RGMB: variants seen among roughly 807,000 people sequenced by gnomAD.
The protein encoded by RGMB is repulsive guidance molecule B.
RGMB carries 16 observed loss-of-function variants against 26.9 expected under a neutral mutation model. That is an observed-to-expected ratio of 0.60 (90% CI 0.40 to 0.90). RGMB has a LOEUF of 0.90. Ranked by LOEUF, RGMB falls within the 40% of genes least tolerant of loss-of-function variation. The probability of loss-of-function intolerance (pLI) is 0.00; values close to 1 mark genes in which losing one functional copy is unlikely to be tolerated. For missense variants in RGMB, 512 were observed against 573.3 expected (o/e 0.89, Z 1.09); for synonymous variants, 225 against 229.3 (o/e 0.98, Z 0.17).
intron 1 of RGMB, among the ~76,000 whole-genome samples, chr5:98,777,867 C>T (rs542583462): frequency 6.6e-6 from 1 of 152,176 alleles, no homozygotes; most frequent in South Asian, 2.1e-4. Context: ...ATCCATAGCT[C>T]CAACATATTA....
intron 2 of RGMB, among the ~76,000 whole-genome samples, chr5:98,784,852 C>G (rs1318214234): frequency 1.3e-5 from 2 of 152,082 alleles, no homozygotes; most frequent in African/African-American, 2.4e-5. Context: ...GGACACTGTT[C>G]TTGCATGCAG....
intron 2 of RGMB, among the ~76,000 whole-genome samples, chr5:98,789,474 A>G (rs1398596165): frequency 6.8e-6 from 1 of 146,480 alleles, no homozygotes; most frequent in African/African-American, 2.5e-5. Context: ...TTTTCATTTA[A>G]TATGTTTTTT....
At chr5:98,782,193 C>G (rs1439564690) in intron 2 of RGMB, among the ~76,000 whole-genome samples, 1 of 152,190 alleles carries the variant, frequency 6.6e-6, no homozygotes, top group Non-Finnish European at 1.5e-5. Flanking sequence ...CTTTGTAACT[C>G]TCTCCAAAGC....
Position 98,773,925 on chromosome 5 carries a change from G to T in RGMB, c.-146G>T. 1 of 557,658 alleles carries T rather than the reference G, an allele frequency of 1.8e-6. No homozygotes were observed. 34.5% of individuals were successfully genotyped at this position (557,658 alleles called of 1,614,324 possible). On this transcript the variant is annotated 5_prime_UTR_variant, in exon 1 of 3. Transcript: ENST00000513185. The stretch of plus-strand genomic sequence containing the variant: ...CGCGCTGCTTGCTGCGGCGGTGGTG[G>T]CGCCCCATCTGCTACACGGGCCTGA...
intron 2 of RGMB, among the ~76,000 whole-genome samples, chr5:98,787,080 C>T (rs1746786687): frequency 6.6e-6 from 1 of 152,168 alleles, no homozygotes. Flanking sequence ...CATGCATGTG[C>T]TTTTACATGG....
At chr5:98,783,812 TTTA>T (rs1283923202) in intron 2 of RGMB, among the ~76,000 whole-genome samples, 1 of 152,222 alleles carries the variant, frequency 6.6e-6, no homozygotes, top group Non-Finnish European at 1.5e-5. Flanking sequence ...CTGAAATTCA[TTTA>T]TTATTAAGTT....
At chr5:98,786,040 A>G (rs1746758097) in intron 2 of RGMB, among the ~76,000 whole-genome samples, 2 of 152,216 alleles carry the variant, frequency 1.3e-5, no homozygotes, top group African/African-American at 4.8e-5. Context: ...TAATGAACCT[A>G]TGTCTGAAAA....
At position 98,795,220 on chromosome 5, in the gene RGMB, A is replaced by AAAG. The variant is rs1437185433; in HGVS notation, c.*1467_*1468insAAG. On this transcript the variant is annotated 3_prime_UTR_variant, in exon 3 of 3. Coordinates refer to ENST00000513185, the MANE Select transcript of RGMB (RefSeq NM_001366508.1). ...TTTCTATTGTTATAGCTAGATGTAAATCTTTAGTTCCAAGAAGTGATAGAG... is the reference window on the plus strand; with the variant it reads ...TTTCTATTGTTATAGCTAGATGTAAAAAGTCTTTAGTTCCAAGAAGTGATAGAG... 11 of 152,200 alleles carry AAAG rather than the reference A, an allele frequency of 7.2e-5. No individual in the cohort carries two copies. Among genetic ancestry groups the AAAG allele is most frequent in the African/African-American group, 2.2e-4 (9 of 41,450 alleles). The allele number at this position is 152,200 out of a possible 1,614,324, so 9.4% of individuals were successfully genotyped here.
chr5:98,784,266 C>A lies in RGMB; in HGVS notation c.645+4178C>A, dbSNP rs373744629. Among the ~76,000 whole-genome samples the A allele has an allele frequency of 1.2e-4, 19 of 152,348 alleles. 1 individual carries two copies. Among genetic ancestry groups the A allele is most frequent in the Admixed American group, 8.5e-4 (13 of 15,308 alleles). On this transcript the variant is annotated intron_variant, in intron 2 of 2. Coordinates refer to ENST00000513185, the MANE Select transcript of RGMB (RefSeq NM_001366508.1). ...TCATCGCCTGTCCAAAGCATAGTAGCATACCCATCATGCATTATGGATAGT... is the reference window on the plus strand; with the variant it reads ...TCATCGCCTGTCCAAAGCATAGTAGAATACCCATCATGCATTATGGATAGT...
intron 2 of RGMB, chr5:98,781,228 A>AG (rs1746595727): frequency 6.6e-6 from 1 of 152,230 alleles, no homozygotes; most frequent in Admixed American, 6.5e-5. Context: ...AGATATCTGC[A>AG]GACACCCTGG....
intron 2 of RGMB, among the ~76,000 whole-genome samples, chr5:98,783,206 A>T (rs1746663449): frequency 1.3e-5 from 2 of 152,156 alleles, no homozygotes; most frequent in African/African-American, 4.8e-5. Context: ...CTACCTTGCC[A>T]GGTAGATGTG....
chr5:98,790,717 G>C (rs1301333740), intron 2 of RGMB, among the ~76,000 whole-genome samples: 1 of 152,062 alleles, frequency 6.6e-6, no homozygotes, highest in East Asian at 1.9e-4. Flanking sequence ...AATCCTCTTT[G>C]TTTTTCCTAA....
chr5:98,788,624 C>G (rs761967002), intron 2 of RGMB, among the ~76,000 whole-genome samples: 17 of 152,272 alleles, frequency 1.1e-4, no homozygotes, highest in Admixed American at 2.6e-4. Context: ...AGTTGCCACC[C>G]CGCGTGGACA....
chr5:98,777,417 GA>G (rs1262537451), intron 1 of RGMB, among the ~76,000 whole-genome samples: 3 of 151,608 alleles, frequency 2.0e-5, no homozygotes, highest in African/African-American at 4.8e-5. Flanking sequence ...GATTTTAAAA[GA>G]AAAAAAATGC....
chr5:98,794,510 G>C lies in RGMB; in HGVS notation c.*757G>C, dbSNP rs1282884317. ...TGGAAGTTTTGTAGATAAGTACCAG[G>C]CATCTCAGTAACTCCTAGACTTTTT... is the stretch of plus-strand genomic sequence containing the variant. On this transcript the variant is annotated 3_prime_UTR_variant, in exon 3 of 3. Transcript: ENST00000513185. 1 of 152,108 alleles carries C rather than the reference G, an allele frequency of 6.6e-6. No individual in the cohort carries two copies. Among genetic ancestry groups the C allele is most frequent in the African/African-American group, 2.4e-5 (1 of 41,408 alleles). 9.4% of individuals were successfully genotyped at this position (152,108 alleles called of 1,614,324 possible).
Position 98,774,115 on chromosome 5 carries a change from C to A in RGMB, c.45C>A (p.Ala15=). 7.2e-7 allele frequency: 1 copy of A among 1,379,348 alleles called. No individual in the cohort carries two copies. Among genetic ancestry groups the A allele is most frequent in the Non-Finnish European group, 9.8e-7 (1 of 1,018,666 alleles). 85.4% of individuals were successfully genotyped at this position (1,379,348 alleles called of 1,614,324 possible). A position where few individuals can be genotyped will look rare whatever the true frequency, so the allele number is the denominator to read the frequency against. ...AAPSSAAAAA[A]EVEQRRSPGL... ...CTTCCAGCGCCGCCGCTGCCGCCGCCGAGGTTGAGCAGCGCCGCAGCCCCG... is the reference window on the plus strand; with the variant it reads ...CTTCCAGCGCCGCCGCTGCCGCCGCAGAGGTTGAGCAGCGCCGCAGCCCCG... Residue 15 remains alanine (A), a synonymous_variant, in exon 1 of 3, where the codon GCC becomes GCA. Transcript: ENST00000513185.
intron 2 of RGMB, among the ~76,000 whole-genome samples, chr5:98,789,644 T>C (rs970585015): frequency 6.6e-6 from 1 of 151,838 alleles, no homozygotes; most frequent in Non-Finnish European, 1.5e-5. Context: ...TCTAGGAGAG[T>C]GAAACATTAA....
chr5:98,793,735 C>G lies in RGMB; in HGVS notation c.1296C>G (p.Ile432Met), dbSNP rs533609370. 4 of 1,576,730 alleles carry G rather than the reference C, an allele frequency of 2.5e-6. No individual in the cohort carries two copies. Among genetic ancestry groups the G allele is most frequent in the East Asian group, 4.6e-5 (2 of 43,486 alleles). The change falls in exon 3 of 3, where the codon ATC (isoleucine) becomes ATG (methionine). Residue 432 changes from isoleucine to methionine, a missense_variant. Coordinates refer to ENST00000513185, the MANE Select transcript of RGMB (RefSeq NM_001366508.1). ...LSVSLGLTCLILIVFL is the reference protein window; with the variant it reads ...LSVSLGLTCLMLIVFL ...TCAGTCTAGGACTCACCTGCTTGAT[C>G]CTTATCGTGTTTTTGTAGGGGTTGT...
chr5:98,787,464 G>C (rs374660613), intron 2 of RGMB, among the ~76,000 whole-genome samples: 16 of 152,226 alleles, frequency 1.1e-4, no homozygotes, highest in African/African-American at 3.1e-4. Context: ...ATTCGGCTGA[G>C]AGTTACTGCC....
Sources: allele counts gnomAD v4.1 joint callset (sites outside exome capture counted in the v4.1 genomes callset), GRCh38; gene constraint gnomAD v4.1.1; transcripts MANE v1.5; gene names NCBI Gene and HGNC (gene_info 2026-07-23, HGNC 2026-07-21).